Variants in CAPZB observed in about 807,000 individuals in gnomAD.
The protein encoded by CAPZB is F-actin-capping protein subunit beta.
A neutral mutation model predicts 38.1 loss-of-function variants in CAPZB; 2 were observed. The observed-to-expected ratio is 0.05, with a 90% CI of 0.02 to 0.17. CAPZB has a LOEUF of 0.17. Among genes scored for constraint, CAPZB ranks in the 10% least tolerant of loss-of-function variants. The pLI is 1.00. For synonymous variants in CAPZB, 107 were observed against 127.4 expected (o/e 0.84, Z 1.08); for missense variants, 161 against 334.2 (o/e 0.48, Z 4.04).
intron 2 of CAPZB, among the ~76,000 whole-genome samples, chr1:19,401,516 T>C (rs1019016745): frequency 6.7e-6 from 1 of 149,910 alleles, no homozygotes; most frequent in African/African-American, 2.4e-5. Context: ...GTCCTGTCTT[T>C]TGCCACCTTT....
intron 4 of CAPZB, among the ~76,000 whole-genome samples, chr1:19,375,603 A>G (rs1570027126): frequency 1.3e-5 from 2 of 152,148 alleles, no homozygotes; most frequent in African/African-American, 2.4e-5. Flanking sequence ...TGCTGTCGTC[A>G]CCCCTCTTTC....
At chr1:19,422,908 T>C (rs4912090) in intron 1 of CAPZB, among the ~76,000 whole-genome samples, 34,891 of 152,040 alleles carry the variant, frequency 0.23, 4,081 homozygotes, top group Admixed American at 0.25. Flanking sequence ...ACAGAAGGGA[T>C]TAACTAGAAA....
intron 1 of CAPZB, among the ~76,000 whole-genome samples, chr1:19,470,911 C>T (rs1181089484): frequency 2.6e-5 from 4 of 152,192 alleles, no homozygotes; most frequent in African/African-American, 9.7e-5. Flanking sequence ...ACCACCTGGC[C>T]TGCCTTCCTA....
chr1:19,469,870 G>T (rs1340033875), intron 1 of CAPZB, among the ~76,000 whole-genome samples: 1 of 152,018 alleles, frequency 6.6e-6, no homozygotes, highest in Admixed American at 6.6e-5. Context: ...CCCAGGTCGG[G>T]GGGTATTCCA....
At position 19,356,731 on chromosome 1, in the gene CAPZB, G is replaced by T; in HGVS notation, c.492C>A (p.Thr164=). The T allele has an allele frequency of 6.2e-7, 1 of 1,613,554 alleles. No homozygotes were observed. The highest frequency in any genetic ancestry group is 8.5e-7 in the Non-Finnish European group (1 of 1,179,490). Residue 164 remains threonine, a synonymous_variant, in exon 6 of 9, where the codon ACC becomes ACA. Coordinates refer to ENST00000264202, the MANE Select transcript of CAPZB (RefSeq NM_004930.5). The surrounding 1 kb of genome is among the most constrained non-coding windows in gnomAD (Gnocchi z 4.3). The part of the protein sequence containing the change: ...VEVQEKSSGR[T]AHYKLTSTVM... ...CCGTGGAGGTCAACTTGTAATGGGC[G>T]GTGCGACCGCTGGATTTCTCCTGGA...
At chr1:19,427,828 A>G (rs1033675921) in intron 1 of CAPZB, among the ~76,000 whole-genome samples, 2 of 152,236 alleles carry the variant, frequency 1.3e-5, no homozygotes, top group African/African-American at 4.8e-5. Context: ...TGGCGGACCA[A>G]GCCTTCTTCA....
intron 1 of CAPZB, among the ~76,000 whole-genome samples, chr1:19,464,771 A>G (rs983242170): frequency 6.6e-6 from 1 of 152,312 alleles, no homozygotes; most frequent in African/African-American, 2.4e-5. Flanking sequence ...ATGTTACACG[A>G]AAGAGGTCAA....
At chr1:19,439,600 G>C (rs766436827) in intron 1 of CAPZB, among the ~76,000 whole-genome samples, 1 of 152,242 alleles carries the variant, frequency 6.6e-6, no homozygotes, top group African/African-American at 2.4e-5. Context: ...AGCACAGAGA[G>C]TCCTCTGTCC....
intron 1 of CAPZB, among the ~76,000 whole-genome samples, chr1:19,469,809 G>C (rs958135666): frequency 1.3e-5 from 2 of 150,976 alleles, no homozygotes; most frequent in Non-Finnish European, 2.9e-5. Flanking sequence ...AAGCAACAGA[G>C]AGCACAGTAA....
rs139510982 is a variant in CAPZB, at chr1:19,421,660, G to A, written c.4-1910C>T. ...AAATTTTAACACCACGTCTTGGGCA[G>A]AACACACAGATAAGCTGATTCGACT... On this transcript the variant is annotated intron_variant, in intron 1 of 8. Coordinates refer to ENST00000264202, the MANE Select transcript of CAPZB (RefSeq NM_004930.5). Among the ~76,000 whole-genome samples the A allele has an allele frequency of 4.0e-3, 614 of 152,332 alleles. 9 individuals carry two copies. Among genetic ancestry groups the A allele is most frequent in the African/African-American group, 0.014 (595 of 41,574 alleles).
intron 1 of CAPZB, among the ~76,000 whole-genome samples, chr1:19,465,668 A>C (rs1320843708): frequency 6.6e-6 from 1 of 152,118 alleles, no homozygotes; most frequent in African/African-American, 2.4e-5. Context: ...AAAAGCTTAG[A>C]GGGTGGGGAG....
chr1:19,435,879 G>C (rs1038961001), intron 1 of CAPZB, among the ~76,000 whole-genome samples: 9 of 152,204 alleles, frequency 5.9e-5, no homozygotes, highest in African/African-American at 2.2e-4. Context: ...AGAGGAGCGG[G>C]TTATTTAGCA....
intron 2 of CAPZB, among the ~76,000 whole-genome samples, chr1:19,396,725 G>A (rs2094271772): frequency 6.6e-6 from 1 of 150,896 alleles, no homozygotes; most frequent in Non-Finnish European, 1.5e-5. Flanking sequence ...AGGATCACTT[G>A]AGGCCAGGAG....
chr1:19,366,807 C>T (rs773086508), intron 4 of CAPZB, among the ~76,000 whole-genome samples: 8 of 152,170 alleles, frequency 5.3e-5, no homozygotes, highest in Non-Finnish European at 1.0e-4. Context: ...GAGGTTCTGG[C>T]CCTAAAACAA....
intron 1 of CAPZB, among the ~76,000 whole-genome samples, chr1:19,472,583 C>A (rs968543878): frequency 2.0e-5 from 3 of 152,054 alleles, no homozygotes; most frequent in African/African-American, 7.2e-5. Context: ...AAGTGAGGGG[C>A]AGGACTATGC....
intron 1 of CAPZB, chr1:19,449,223 C>T (rs576092502): frequency 3.9e-4 from 441 of 1,132,348 alleles, no homozygotes; most frequent in Non-Finnish European, 4.7e-4. Flanking sequence ...AAAGCCGGAA[C>T]CAGGACAACA....
intron 1 of CAPZB, among the ~76,000 whole-genome samples, chr1:19,432,408 C>A (rs938965997): frequency 6.6e-6 from 1 of 152,076 alleles, no homozygotes; most frequent in African/African-American, 2.4e-5. Flanking sequence ...CACCACCGCA[C>A]TCCAGCCTGG....
At chr1:19,348,179 T>C (rs1207068071) in intron 6 of CAPZB, among the ~76,000 whole-genome samples, 1 of 152,136 alleles carries the variant, frequency 6.6e-6, no homozygotes, top group Non-Finnish European at 1.5e-5. Flanking sequence ...CCAGTTTCCA[T>C]TGCTTGCTTG....
chr1:19,475,806 A>T (rs2094604774), intron 1 of CAPZB, among the ~76,000 whole-genome samples: 1 of 152,166 alleles, frequency 6.6e-6, no homozygotes, highest in South Asian at 2.1e-4. Flanking sequence ...AACCTAATGG[A>T]GGGAGGGATT....
Sources: gnomAD v4.1 joint callset for allele counts (sites outside exome capture counted in the v4.1 genomes callset) on GRCh38, gnomAD v4.1.1 for gene constraint, Gnocchi (gnomAD v3.1) non-coding constraint, MANE v1.5 for transcripts, NCBI Gene and HGNC (gene_info 2026-07-23, HGNC 2026-07-21) for gene names.